Variants in ASS1 observed in about 807,000 individuals in gnomAD.
ASS1 encodes argininosuccinate synthase.
In ASS1, 58 loss-of-function variants were observed where a neutral mutation model predicts 60.5. The ratio of observed to expected loss-of-function variants is 0.96; its 90% CI spans 0.78 to 1.19. ASS1 has a LOEUF of 1.19. ASS1 is among the 50% of genes most tolerant of loss of function. The pLI is 0.00. For synonymous variants in ASS1, 200 were observed against 206.9 expected (o/e 0.97, Z 0.29); for missense variants, 454 against 547.3 (o/e 0.83, Z 1.70).
At chr9:130,468,083 G>A (rs1845788885) in intron 6 of ASS1, among the ~76,000 whole-genome samples, 1 of 152,216 alleles carries the variant, frequency 6.6e-6, no homozygotes, top group Non-Finnish European at 1.5e-5. Flanking sequence ...CTGGAGATGG[G>A]TTTCATCAGA....
At chr9:130,445,556 G>A (rs1845176367) in intron 1 of ASS1, among the ~76,000 whole-genome samples, 1 of 152,186 alleles carries the variant, frequency 6.6e-6, no homozygotes. Flanking sequence ...CTTCCCTGCA[G>A]GGGGCGGCAG....
chr9:130,449,895 T>C (rs1204234045), intron 1 of ASS1, among the ~76,000 whole-genome samples: 5 of 152,310 alleles, frequency 3.3e-5, no homozygotes, highest in Non-Finnish European at 7.3e-5. Flanking sequence ...GGTATTCTCG[T>C]GTGTGTGTGA....
intron 1 of ASS1, 69 bp from the exon 2 acceptor site, chr9:130,452,155 G>A: frequency 7.3e-7 from 1 of 1,373,928 alleles, no homozygotes; most frequent in Non-Finnish European, 1.0e-6. Flanking sequence ...GGGCTGGGCT[G>A]TCTGCAGGGG....
chr9:130,479,649 G>A, intron 9 of ASS1, 67 bp from the exon 10 acceptor site: 1 of 1,246,836 alleles, frequency 8.0e-7, no homozygotes, highest in Non-Finnish European at 1.2e-6. Flanking sequence ...GAGAGGGTGG[G>A]GTGGCGGGTG....
intron 13 of ASS1, among the ~76,000 whole-genome samples, chr9:130,497,349 G>A (rs1469010824): frequency 1.3e-5 from 2 of 152,166 alleles, no homozygotes; most frequent in African/African-American, 2.4e-5. Context: ...AGGGACCAGC[G>A]AGGAAGCCGT....
At chr9:130,496,144 G>C (rs1846596071) in intron 13 of ASS1, among the ~76,000 whole-genome samples, 1 of 152,180 alleles carries the variant, frequency 6.6e-6, no homozygotes, top group African/African-American at 2.4e-5. Flanking sequence ...GAACTAGCCA[G>C]GCAAGATGGT....
chr9:130,474,202 C>T (rs543472932), intron 8 of ASS1, among the ~76,000 whole-genome samples: 4 of 151,996 alleles, frequency 2.6e-5, no homozygotes, highest in Non-Finnish European at 4.4e-5. Context: ...GGCAGGCGCT[C>T]GAGCCACCGC....
chr9:130,493,066 C>A (rs960534307), intron 12 of ASS1, among the ~76,000 whole-genome samples: 28 of 152,118 alleles, frequency 1.8e-4, no homozygotes, highest in Non-Finnish European at 3.1e-4. Context: ...ATCCCAGCTC[C>A]GTCAGAAAGA....
intron 1 of ASS1, chr9:130,451,766 G>A (rs994655563): frequency 1.1e-5 from 5 of 443,588 alleles, no homozygotes; most frequent in South Asian, 4.9e-5. Context: ...GGGAGATCCC[G>A]CTGAGGCTCC....
At chr9:130,449,330 G>A (rs942862649) in intron 1 of ASS1, among the ~76,000 whole-genome samples, 3 of 127,186 alleles carry the variant, frequency 2.4e-5, no homozygotes, top group African/African-American at 8.8e-5. Flanking sequence ...GTGACAGAAT[G>A]AGACCCTGTC....
chr9:130,487,967 C>G (rs560226087), intron 11 of ASS1, among the ~76,000 whole-genome samples: 15 of 152,216 alleles, frequency 9.9e-5, no homozygotes, highest in African/African-American at 3.6e-4. Context: ...GTTGGCCAGG[C>G]TGGTCTTGAA....
intron 3 of ASS1, among the ~76,000 whole-genome samples, chr9:130,456,271 G>C (rs556147483): frequency 6.6e-6 from 1 of 152,142 alleles, no homozygotes; most frequent in East Asian, 1.9e-4. Flanking sequence ...TTCAAGACCA[G>C]CCTGGCCAAC....
intron 4 of ASS1, among the ~76,000 whole-genome samples, chr9:130,462,616 G>C (rs1446642040): frequency 6.6e-6 from 1 of 152,176 alleles, no homozygotes; most frequent in Non-Finnish European, 1.5e-5. Context: ...CTTTGTGTTG[G>C]GGAAACATGA....
At chr9:130,497,976 G>A (rs1846645129) in intron 13 of ASS1, among the ~76,000 whole-genome samples, 1 of 152,214 alleles carries the variant, frequency 6.6e-6, no homozygotes, top group Non-Finnish European at 1.5e-5. Flanking sequence ...AGTGGCTTCA[G>A]TGCCTGAGCC....
At chr9:130,452,445 C>G (rs926512163) in intron 2 of ASS1, 112 bp downstream of exon 2, 2 of 911,194 alleles carry the variant, frequency 2.2e-6, no homozygotes, top group East Asian at 2.5e-5. Context: ...GTCACTCATT[C>G]AAGCCTGGCC....
intron 10 of ASS1, 145 bp from the exon 11 acceptor site, chr9:130,480,240 G>A: frequency 2.2e-6 from 2 of 890,240 alleles, no homozygotes; most frequent in East Asian, 2.6e-5. Flanking sequence ...AGGTGACCCG[G>A]CTCAGATGTC....
Position 130,470,985 on chromosome 9 carries a change from G to A in ASS1, c.566+81G>A. ...CCACGCGCTGCCCCAGGACGTCCTG[G>A]TGACCCCCACACCAGTGGTCCCTGC... is the stretch of plus-strand genomic sequence containing the variant. On this transcript the variant is annotated intron_variant, in intron 7 of 14. Coordinates refer to ENST00000352480, the MANE Select transcript of ASS1 (RefSeq NM_054012.4). This position sits in a 1 kb window ranked among gnomAD's most constrained non-coding sequence, Gnocchi z 4.3. 2.7e-6 allele frequency: 4 copies of A among 1,509,284 alleles called. No homozygotes were observed. The highest frequency in any genetic ancestry group is 1.7e-5 in the Admixed American group (1 of 59,868). 93.5% of individuals were successfully genotyped at this position (1,509,284 alleles called of 1,614,324 possible).
In ASS1 at chr9:130,494,986, G is replaced by C; in HGVS notation, c.1090G>C (p.Glu364Gln). ...LKGQVYILGR[E>Q]SPLSLYNEEL... ...GGGCCAGGTGTACATCCTCGGCCGGGAGTCCCCACTGTCTCTCTACAATGA... is the reference window on the plus strand; with the variant it reads ...GGGCCAGGTGTACATCCTCGGCCGGCAGTCCCCACTGTCTCTCTACAATGA... Residue 364 changes from glutamate to glutamine, a missense_variant, in exon 13 of 15, where the codon GAG (glutamate) becomes CAG (glutamine). Physicochemically the swap from Glu to Gln is conservative, Grantham distance 29. Transcript: ENST00000352480. The surrounding 1 kb of genome is among the most constrained non-coding windows in gnomAD (Gnocchi z 4.3). The C allele has an allele frequency of 6.2e-7, 1 of 1,613,290 alleles. No individual in the cohort carries two copies. Among genetic ancestry groups the C allele is most frequent in the Non-Finnish European group, 8.5e-7 (1 of 1,179,940 alleles).
Position 130,477,429 on chromosome 9 carries a change from G to A in ASS1, c.688+468G>A, listed in dbSNP as rs1846048303. Among the ~76,000 whole-genome samples, 1 of 152,192 alleles carries A rather than the reference G, an allele frequency of 6.6e-6. No homozygotes were observed. The highest frequency in any genetic ancestry group is 2.1e-4 in the South Asian group (1 of 4,830). On this transcript the variant is annotated intron_variant, in intron 9 of 14. Coordinates refer to ENST00000352480, the MANE Select transcript of ASS1 (RefSeq NM_054012.4). This position sits in a 1 kb window ranked among gnomAD's most constrained non-coding sequence, Gnocchi z 4.2. ...TCATGGACCCCTGGGACCCCACATG[G>A]AAAGCCTTCGCCAGTCTTCATTGAG...
Sources: gnomAD v4.1 joint callset for allele counts (sites outside exome capture counted in the v4.1 genomes callset) on GRCh38, gnomAD v4.1.1 for gene constraint, Gnocchi (gnomAD v3.1) non-coding constraint, MANE v1.5 for transcripts, NCBI Gene and HGNC (gene_info 2026-07-23, HGNC 2026-07-21) for gene names.